The following SLC4A4 variants were observed in gnomAD, a reference collection of about 807,000 sequenced individuals.
The protein encoded by SLC4A4 is solute carrier family 4 member 4, also known as electrogenic sodium bicarbonate cotransporter 1.
SLC4A4 carries 27 observed loss-of-function variants against 111.5 expected under a neutral mutation model. That is an observed-to-expected ratio of 0.24 (90% confidence interval 0.18 to 0.33). The LOEUF (loss-of-function observed/expected upper bound fraction) is 0.33. Among genes scored for constraint, SLC4A4 ranks in the 10% least tolerant of loss-of-function variants. The probability of loss-of-function intolerance (pLI) is 1.00; values close to 1 mark genes in which losing one functional copy is unlikely to be tolerated. For missense variants in SLC4A4, 909 were observed against 1,315.5 expected (o/e 0.69, Z 4.78); for synonymous variants, 443 against 463.4 (o/e 0.96, Z 0.57).
intron 3 of SLC4A4, among the ~76,000 whole-genome samples, chr4:71,257,097 A>G (rs1721508720): frequency 6.6e-6 from 1 of 152,178 alleles, no homozygotes; most frequent in African/African-American, 2.4e-5. Flanking sequence ...GATCAGGAAG[A>G]TGCTGAGACC....
At chr4:71,393,145 A>G (rs922070714) in intron 6 of SLC4A4, among the ~76,000 whole-genome samples, 23 of 152,098 alleles carry the variant, frequency 1.5e-4, no homozygotes, top group African/African-American at 5.3e-4. Flanking sequence ...CCTCTTCAAC[A>G]TAACACTGGA....
At chr4:71,107,313 C>T (rs781128161) in intron 2 of SLC4A4, among the ~76,000 whole-genome samples, 9 of 152,006 alleles carry the variant, frequency 5.9e-5, no homozygotes, top group Non-Finnish European at 8.8e-5. Flanking sequence ...TCATTTCCGG[C>T]ATTACTGTCT....
intron 7 of SLC4A4, chr4:71,437,258 C>A: frequency 2.8e-6 from 1 of 363,470 alleles, no homozygotes; most frequent in Non-Finnish European, 5.4e-6. Flanking sequence ...AGCCTTTGCC[C>A]AGTGAAGAAA....
At chr4:71,299,433 C>T (rs1725048437) in intron 3 of SLC4A4, among the ~76,000 whole-genome samples, 1 of 151,232 alleles carries the variant, frequency 6.6e-6, no homozygotes. Flanking sequence ...AGAGCTTCCC[C>T]AGGCTGTTGG....
rs562077901 is a variant in SLC4A4, at chr4:71,193,304, T to C, written c.-2+5903T>C. 5.3e-3 allele frequency among the ~76,000 whole-genome samples: 799 copies of C among 152,152 alleles called. 4 individuals carry two copies. Among genetic ancestry groups the C allele is most frequent in the Non-Finnish European group, 6.7e-3 (457 of 68,008 alleles). On this transcript the variant is annotated intron_variant, in intron 1 of 25. Coordinates refer to ENST00000264485, the MANE Select transcript of SLC4A4 (RefSeq NM_001098484.3). Reference sequence around the variant, plus strand: ...CCTCCCGAGTAGCTGGGACTACAGGTGCCCGCCACCACGTCCGGCTAATTT... The same window carrying C: ...CCTCCCGAGTAGCTGGGACTACAGGCGCCCGCCACCACGTCCGGCTAATTT...
chr4:71,120,758 G>A (rs193163792), intron 2 of SLC4A4, among the ~76,000 whole-genome samples: 45 of 152,290 alleles, frequency 3.0e-4, no homozygotes, highest in Non-Finnish European at 5.3e-4. Context: ...ATCCCAGTGA[G>A]AGGTGACAGC....
chr4:71,535,936 G>GA (rs1734376681), intron 18 of SLC4A4, among the ~76,000 whole-genome samples: 1 of 152,024 alleles, frequency 6.6e-6, no homozygotes, highest in African/African-American at 2.4e-5. Flanking sequence ...GCTCCCAAAG[G>GA]AAACCAAGTG....
intron 6 of SLC4A4, among the ~76,000 whole-genome samples, chr4:71,370,074 T>G (rs1022271928): frequency 6.6e-5 from 10 of 152,314 alleles, no homozygotes; most frequent in South Asian, 2.1e-4. Flanking sequence ...CTTAATAATT[T>G]TCCTTGAATA....
chr4:71,169,599 ATTAAT>A (rs1168513452), intron 2 of SLC4A4, among the ~76,000 whole-genome samples: 1 of 152,164 alleles, frequency 6.6e-6, no homozygotes, highest in East Asian at 1.9e-4. Context: ...TATTCTGGTT[ATTAAT>A]CCCTTGTCAA....
chr4:71,065,654 A>T (rs891333541), intron 1 of SLC4A4, among the ~76,000 whole-genome samples: 2 of 152,112 alleles, frequency 1.3e-5, no homozygotes, highest in African/African-American at 4.8e-5. Context: ...GGCTAACATG[A>T]TCTCTCTTGC....
intron 2 of SLC4A4, among the ~76,000 whole-genome samples, chr4:71,099,188 A>G (rs1262073601): frequency 6.6e-6 from 1 of 152,146 alleles, no homozygotes; most frequent in African/African-American, 2.4e-5. Context: ...CTAAAATCAA[A>G]CACATGATTG....
chr4:71,127,688 T>C (rs1352532935), intron 2 of SLC4A4, among the ~76,000 whole-genome samples: 1 of 152,230 alleles, frequency 6.6e-6, no homozygotes, highest in Non-Finnish European at 1.5e-5. Flanking sequence ...AGATATGTTA[T>C]ATAAAGTATA....
At chr4:71,168,557 T>C (rs1020438118) in intron 2 of SLC4A4, among the ~76,000 whole-genome samples, 4 of 152,142 alleles carry the variant, frequency 2.6e-5, no homozygotes, top group African/African-American at 9.7e-5. Flanking sequence ...GTCTTTTAAA[T>C]TCTTTCTATT....
At chr4:71,242,974 C>T (rs996300571) in intron 2 of SLC4A4, among the ~76,000 whole-genome samples, 1 of 152,162 alleles carries the variant, frequency 6.6e-6, no homozygotes, top group African/African-American at 2.4e-5. Context: ...CATTCTCATC[C>T]TTTAAGCTCT....
At chr4:71,174,316 C>G (rs1445048647) in intron 2 of SLC4A4, among the ~76,000 whole-genome samples, 1 of 149,814 alleles carries the variant, frequency 6.7e-6, no homozygotes, top group African/African-American at 2.5e-5. Context: ...GAGGTATGAT[C>G]TCAGCTCACT....
chr4:71,457,098 T>A (rs915668737), intron 12 of SLC4A4, among the ~76,000 whole-genome samples: 3 of 152,106 alleles, frequency 2.0e-5, no homozygotes, highest in African/African-American at 7.2e-5. Context: ...CACAGATGAG[T>A]CACTGCATGG....
At position 71,508,625 on chromosome 4, in the gene SLC4A4, A is replaced by G. The variant is rs891479482; in HGVS notation, c.2166+10933A>G. Among the ~76,000 whole-genome samples the G allele has an allele frequency of 2.0e-5, 3 of 152,128 alleles. No homozygotes were observed. In the East Asian group the frequency reaches 5.8e-4, roughly 29 times the overall value. ...AATTGAGGCAGTAATAAGTAGCCCA[A>G]CAACCCGAAAAAGCCCAGGACCAGA... On this transcript the variant is annotated intron_variant, in intron 16 of 25. Coordinates refer to ENST00000264485, the MANE Select transcript of SLC4A4 (RefSeq NM_001098484.3).
At chr4:71,341,996 A>G (rs761978513) in intron 4 of SLC4A4, among the ~76,000 whole-genome samples, 18 of 152,158 alleles carry the variant, frequency 1.2e-4, no homozygotes, top group Non-Finnish European at 2.1e-4. Context: ...TTTTCAATTT[A>G]CTGGGTAATT....
intron 13 of SLC4A4, among the ~76,000 whole-genome samples, chr4:71,469,370 AT>A (rs1267867986): frequency 3.3e-5 from 5 of 151,790 alleles, no homozygotes; most frequent in Admixed American, 1.3e-4. Flanking sequence ...TACCGGATGT[AT>A]TTTTTTAGGG....
Sources: allele counts gnomAD v4.1 joint callset (sites outside exome capture counted in the v4.1 genomes callset), GRCh38; gene constraint gnomAD v4.1.1; transcripts MANE v1.5; gene names NCBI Gene and HGNC (gene_info 2026-07-23, HGNC 2026-07-21).